The following ANXA6 variants were observed in gnomAD, a reference collection of about 807,000 sequenced individuals.
ANXA6 encodes the protein 67 kDa calelectrin.
ANXA6 carries 71 observed loss-of-function variants against 95.4 expected under a neutral mutation model. The observed-to-expected ratio is 0.74, with a 90% CI of 0.61 to 0.91. The LOEUF (loss-of-function observed/expected upper bound fraction) is 0.91. Among genes scored for constraint, ANXA6 ranks in the 40% least tolerant of loss-of-function variants. ANXA6 has a pLI of 0.00. For synonymous variants in ANXA6, 289 were observed against 315.9 expected, an observed-to-expected ratio of 0.91 and a Z score of 0.90; for missense variants, 830 against 876.4, an observed-to-expected ratio of 0.95 and a Z score of 0.67.
chr5:151,147,577 C>A (rs1482255487), intron 2 of ANXA6, among the ~76,000 whole-genome samples: 1 of 152,238 alleles, frequency 6.6e-6, no homozygotes, highest in Non-Finnish European at 1.5e-5. Context: ...CCAGCTCACA[C>A]AGGCAGAATC....
At chr5:151,142,896 G>A (rs984121560) in intron 2 of ANXA6, among the ~76,000 whole-genome samples, 7 of 152,164 alleles carry the variant, frequency 4.6e-5, no homozygotes, top group African/African-American at 1.4e-4. Context: ...GGGTCTGTCC[G>A]GGCCCTCTGC....
At chr5:151,137,743 T>C (rs921267415) in intron 5 of ANXA6, among the ~76,000 whole-genome samples, 1 of 152,174 alleles carries the variant, frequency 6.6e-6, no homozygotes, top group African/African-American at 2.4e-5. Flanking sequence ...CTCTTTGCCT[T>C]CTGCCAAGAC....
At chr5:151,114,040 G>A (rs1357612154) in intron 20 of ANXA6, among the ~76,000 whole-genome samples, 3 of 152,184 alleles carry the variant, frequency 2.0e-5, no homozygotes, top group Admixed American at 6.5e-5. Context: ...AAAAGGCCAC[G>A]TATTAATATC....
At chr5:151,133,324 C>T (rs1277231945) in intron 8 of ANXA6, 137 bp from the exon 9 acceptor site, 1 of 626,556 alleles carries the variant, frequency 1.6e-6, no homozygotes, top group African/African-American at 1.8e-5. Context: ...GCAAATAAAA[C>T]AGTCATGCAT....
chr5:151,138,406 A>G (rs1399308571), intron 5 of ANXA6, among the ~76,000 whole-genome samples: 2 of 152,156 alleles, frequency 1.3e-5, no homozygotes, highest in African/African-American at 2.4e-5. Flanking sequence ...CCTTGGCCTC[A>G]GGAGTGTTGG....
chr5:151,128,367 C>G (rs1765389041), intron 12 of ANXA6, 128 bp from the exon 13 acceptor site: 1 of 781,518 alleles, frequency 1.3e-6, no homozygotes, highest in Middle Eastern at 2.4e-4. Context: ...CAGCCCTGGC[C>G]CTCCTGTGCT....
Position 151,157,667 on chromosome 5 carries a change from T to A in ANXA6, c.-26+13A>T, listed in dbSNP as rs1159298802. The A allele has an allele frequency of 6.5e-6, 1 of 152,816 alleles. No homozygotes were observed. The highest frequency in any genetic ancestry group is 2.4e-5 in the African/African-American group (1 of 41,456). The allele number at this position is 152,816 out of a possible 1,614,324, so 9.5% of individuals were successfully genotyped here. A position where few individuals can be genotyped will look rare whatever the true frequency, so the allele number is the denominator to read the frequency against. On this transcript the variant is annotated intron_variant, in intron 1 of 25. Transcript: ENST00000354546. ...CCCAGAGCGACTCCCCTCTCCAGCC[T>A]CAGCCCACTCACCGCGCAGCGGAGG...
intron 1 of ANXA6, among the ~76,000 whole-genome samples, chr5:151,152,032 T>C (rs1449079572): frequency 6.6e-6 from 1 of 152,120 alleles, no homozygotes; most frequent in Non-Finnish European, 1.5e-5. Context: ...CCTTCGAGAG[T>C]TCCAGGCTGA....
Position 151,136,329 on chromosome 5 carries a change from T to C in ANXA6, c.416A>G (p.Glu139Gly). Reference sequence around the variant, plus strand: ...GATGATGTCAGCCTCCAGGTCCCGCTCGTAGGCTGCAGAAAGGAACGCAAG... The same window carrying C: ...GATGATGTCAGCCTCCAGGTCCCGCCCGTAGGCTGCAGAAAGGAACGCAAG... ...QLVAAYKDAY[E>G]RDLEADIIGD... The change falls in exon 7 of 26, where the codon GAG becomes GGG. Residue 139 changes from glutamate (E) to glycine (G), a missense_variant. Glu to Gly is a moderately conservative substitution (Grantham distance 98). Coordinates refer to ENST00000354546, the MANE Select transcript of ANXA6 (RefSeq NM_001155.5). 1.2e-6 allele frequency: 2 copies of C among 1,613,826 alleles called. No individual in the cohort carries two copies. Among genetic ancestry groups the C allele is most frequent in the South Asian group, 1.1e-5 (1 of 91,084 alleles).
chr5:151,123,773 C>T (rs148859321), intron 15 of ANXA6, among the ~76,000 whole-genome samples: 3 of 152,336 alleles, frequency 2.0e-5, no homozygotes, highest in Admixed American at 6.5e-5. Context: ...TTTCTGAGCA[C>T]AGGCCCAGCT....
chr5:151,124,098 C>T (rs1765245047), intron 15 of ANXA6, among the ~76,000 whole-genome samples, 188 bp downstream of exon 15: 1 of 152,176 alleles, frequency 6.6e-6, no homozygotes, highest in Non-Finnish European at 1.5e-5. Context: ...TGCCAAGTTC[C>T]TTATGAACCC....
At chr5:151,119,151 G>T in intron 18 of ANXA6, 149 bp downstream of exon 18, 1 of 642,592 alleles carries the variant, frequency 1.6e-6, no homozygotes, top group Non-Finnish European at 2.7e-6. Context: ...CCAGACACAG[G>T]GATGGGCACA....
At chr5:151,110,134 A>T (rs1321671726) in intron 21 of ANXA6, among the ~76,000 whole-genome samples, 2 of 152,156 alleles carry the variant, frequency 1.3e-5, no homozygotes, top group East Asian at 3.9e-4. Context: ...GAGGACCCAC[A>T]TAGACTCTGA....
chr5:151,134,848 C>G (rs946707796), intron 7 of ANXA6, among the ~76,000 whole-genome samples: 4 of 152,208 alleles, frequency 2.6e-5, no homozygotes, highest in Non-Finnish European at 5.9e-5. Flanking sequence ...GCCCATGACA[C>G]TCCTCCAGCA....
At chr5:151,139,813 A>G (rs888312181) in intron 3 of ANXA6, among the ~76,000 whole-genome samples, 2 of 152,198 alleles carry the variant, frequency 1.3e-5, no homozygotes, top group African/African-American at 4.8e-5. Flanking sequence ...AAGACAAAGA[A>G]GAACATAAGC....
chr5:151,104,849 A>T (rs988019980), intron 24 of ANXA6, among the ~76,000 whole-genome samples: 4 of 152,172 alleles, frequency 2.6e-5, no homozygotes, highest in African/African-American at 9.7e-5. Flanking sequence ...ACTGTGTCCT[A>T]CCCAGCCCTG....
intron 14 of ANXA6, 32 bp downstream of exon 14, chr5:151,126,368 CAA>C: frequency 1.3e-6 from 2 of 1,571,390 alleles, no homozygotes; most frequent in Non-Finnish European, 1.7e-6. Flanking sequence ...AAGCTGTGGT[CAA>C]GAGGTCAAGC....
chr5:151,112,857 T>C (rs1429608672), intron 20 of ANXA6, among the ~76,000 whole-genome samples: 1 of 152,070 alleles, frequency 6.6e-6, no homozygotes, highest in Admixed American at 6.6e-5. Flanking sequence ...CCTGAGGACA[T>C]CATACTAGGT....
Position 151,141,834 on chromosome 5 carries a change from C to T in ANXA6, c.19-1591G>A, listed in dbSNP as rs116778278. On this transcript the variant is annotated intron_variant, in intron 2 of 25. Transcript: ENST00000354546. ...ATGCCGAATACCCAGAGCAGGGCGC[C>T]TTGCAAGGAGCTCAGTGAGCGCAGG... 1,963 of 545,916 alleles carry T rather than the reference C, an allele frequency of 3.6e-3. 40 individuals carry two copies. The African/African-American group carries it at 0.037, about 10-fold the overall frequency. 33.8% of individuals were successfully genotyped at this position (545,916 alleles called of 1,614,324 possible).
Sources: allele counts gnomAD v4.1 joint callset (sites outside exome capture counted in the v4.1 genomes callset), GRCh38; gene constraint gnomAD v4.1.1; transcripts MANE v1.5; gene names NCBI Gene and HGNC (gene_info 2026-07-23, HGNC 2026-07-21).